Variants in TMOD1 observed in about 807,000 individuals in gnomAD.
TMOD1 encodes tropomodulin 1, also known as tropomodulin-1.
TMOD1 carries 17 observed loss-of-function variants against 40.6 expected under a neutral mutation model. The ratio of observed to expected loss-of-function variants is 0.42; its 90% CI spans 0.29 to 0.63. The LOEUF is 0.63. TMOD1 is among the 20% of genes least tolerant of loss of function. The pLI, the probability that TMOD1 is intolerant of heterozygous loss-of-function variation, is 0.22. For synonymous variants in TMOD1, 181 were observed against 175.0 expected (o/e 1.03, Z -0.27); for missense variants, 391 against 447.6 (o/e 0.87, Z 1.14).
At chr9:97,518,412 T>C (rs1829859097) in intron 1 of TMOD1, among the ~76,000 whole-genome samples, 1 of 152,368 alleles carries the variant, frequency 6.6e-6, no homozygotes, top group Admixed American at 6.5e-5. Context: ...CCTCCAGAAC[T>C]GAGAGCCAAC....
At chr9:97,567,518 C>A (rs1263528370) in intron 7 of TMOD1, among the ~76,000 whole-genome samples, 4 of 152,222 alleles carry the variant, frequency 2.6e-5, no homozygotes, top group Non-Finnish European at 5.9e-5. Flanking sequence ...CAAGACAGGG[C>A]CTCCAGGACC....
chr9:97,508,194 T>C (rs1829625351), intron 1 of TMOD1, among the ~76,000 whole-genome samples: 1 of 151,670 alleles, frequency 6.6e-6, no homozygotes. Flanking sequence ...ATTTCTTTCT[T>C]TCTTTTTTTT....
chr9:97,519,376 G>A (rs1302814245), intron 1 of TMOD1, among the ~76,000 whole-genome samples: 1 of 152,112 alleles, frequency 6.6e-6, no homozygotes, highest in East Asian at 1.9e-4. Context: ...CGGGGTGGCC[G>A]GATATGCTGT....
At chr9:97,527,760 T>G (rs2131225723) in intron 2 of TMOD1, among the ~76,000 whole-genome samples, 1 of 152,244 alleles carries the variant, frequency 6.6e-6, no homozygotes, top group South Asian at 2.1e-4. Flanking sequence ...TGGGGACACA[T>G]GGACTGGAGG....
intron 3 of TMOD1, among the ~76,000 whole-genome samples, chr9:97,548,749 A>C (rs1830405278): frequency 6.6e-6 from 1 of 152,236 alleles, no homozygotes; most frequent in African/African-American, 2.4e-5. Flanking sequence ...AATAGTTAGC[A>C]TTCATTCTAC....
chr9:97,568,522 G>A (rs1412710164), intron 7 of TMOD1, among the ~76,000 whole-genome samples: 1 of 152,174 alleles, frequency 6.6e-6, no homozygotes, highest in Non-Finnish European at 1.5e-5. Context: ...GGACAGGGAA[G>A]CAGAAAGGGA....
intron 8 of TMOD1, among the ~76,000 whole-genome samples, chr9:97,573,132 C>A (rs1256394253): frequency 1.3e-5 from 2 of 152,208 alleles, no homozygotes; most frequent in African/African-American, 4.8e-5. Flanking sequence ...CCCTGTGGGC[C>A]CCGAGGGAGC....
rs1829740386 is a variant in TMOD1, at chr9:97,513,426, C to A, written c.-48-10715C>A. On this transcript the variant is annotated intron_variant, in intron 1 of 9. Coordinates refer to ENST00000259365, the MANE Select transcript of TMOD1 (RefSeq NM_003275.4). This position sits in a 1 kb window ranked among gnomAD's most constrained non-coding sequence, Gnocchi z 4.1. ...GGATTTCAGCCCAGGTTTGCATGACCCCTAGTTCAAGCTCTCATCTTTAAC... is the reference window on the plus strand; with the variant it reads ...GGATTTCAGCCCAGGTTTGCATGACACCTAGTTCAAGCTCTCATCTTTAAC... 6.6e-6 allele frequency among the ~76,000 whole-genome samples: 1 copy of A among 152,074 alleles called. No homozygotes were observed. Among genetic ancestry groups the A allele is most frequent in the African/African-American group, 2.4e-5 (1 of 41,392 alleles).
At chr9:97,549,435 G>GT (rs1185460579) in intron 3 of TMOD1, among the ~76,000 whole-genome samples, 1 of 152,142 alleles carries the variant, frequency 6.6e-6, no homozygotes, top group Non-Finnish European at 1.5e-5. Flanking sequence ...CTGTTATGGG[G>GT]TATAATAAAC....
chr9:97,529,341 C>G (rs1244939518), intron 2 of TMOD1, among the ~76,000 whole-genome samples: 1 of 152,088 alleles, frequency 6.6e-6, no homozygotes, highest in Non-Finnish European at 1.5e-5. Context: ...CTTGGAAGCC[C>G]CCTCTAGCTC....
intron 2 of TMOD1, among the ~76,000 whole-genome samples, chr9:97,534,838 G>C (rs1285310749): frequency 6.6e-6 from 1 of 152,220 alleles, no homozygotes. Flanking sequence ...GATTCACCAG[G>C]TCAGTTTGGA....
At chr9:97,551,728 T>G (rs973934134) in intron 3 of TMOD1, among the ~76,000 whole-genome samples, 1 of 152,244 alleles carries the variant, frequency 6.6e-6, no homozygotes, top group African/African-American at 2.4e-5. Flanking sequence ...GGAAAAGGAC[T>G]GTTGGAACTT....
At chr9:97,578,559 G>C (rs970601308) in intron 8 of TMOD1, among the ~76,000 whole-genome samples, 2 of 152,168 alleles carry the variant, frequency 1.3e-5, no homozygotes, top group South Asian at 4.1e-4. Context: ...ACTGGGCCTA[G>C]AGGAACCTGG....
chr9:97,530,637 G>A lies in TMOD1; in HGVS notation c.120+6329G>A, dbSNP rs180685265. On this transcript the variant is annotated intron_variant, in intron 2 of 9. Coordinates refer to ENST00000259365, the MANE Select transcript of TMOD1 (RefSeq NM_003275.4). ...CGAGTAGCTGGGACTACAGGCGCCCGCCACCATGCCTGGCTAATTGTTTTT... is the reference window on the plus strand; with the variant it reads ...CGAGTAGCTGGGACTACAGGCGCCCACCACCATGCCTGGCTAATTGTTTTT... Among the ~76,000 whole-genome samples, 173 of 150,254 alleles carry A rather than the reference G, an allele frequency of 1.2e-3. 1 individual carries two copies. The East Asian group carries it at 0.022, about 19-fold the overall frequency.
intron 1 of TMOD1, among the ~76,000 whole-genome samples, chr9:97,522,758 TCA>T: frequency 6.6e-6 from 1 of 152,024 alleles, no homozygotes; most frequent in East Asian, 1.9e-4. Flanking sequence ...AGGCAGGATC[TCA>T]CTGTGTTGCC....
At chr9:97,586,738 G>A (rs1223204329) in intron 8 of TMOD1, among the ~76,000 whole-genome samples, 4 of 152,052 alleles carry the variant, frequency 2.6e-5, no homozygotes, top group East Asian at 1.9e-4. Context: ...TCGGAAAAGC[G>A]CAGTATTCGG....
Position 97,504,531 on chromosome 9 carries a change from A to G in TMOD1, c.-49+2728A>G, listed in dbSNP as rs373938968. ...GGGGAATCTAAAAGGTGTGCCCATA[A>G]TGAGGATTGGGGACCTTCCTTAGTG... On this transcript the variant is annotated intron_variant, in intron 1 of 9. Coordinates refer to ENST00000259365, the MANE Select transcript of TMOD1 (RefSeq NM_003275.4). Among the ~76,000 whole-genome samples the G allele has an allele frequency of 1.6e-4, 25 of 152,158 alleles. No homozygotes were observed. The East Asian group carries it at 2.7e-3, about 16-fold the overall frequency.
chr9:97,600,350 CAA>C lies in TMOD1; in HGVS notation c.*656_*657del. 1.0e-6 allele frequency: 1 copy of C among 986,114 alleles called. No homozygotes were observed. Among genetic ancestry groups the C allele is most frequent in the Non-Finnish European group, 1.2e-6 (1 of 830,210 alleles). 61.1% of individuals were successfully genotyped at this position (986,114 alleles called of 1,614,324 possible). Reference sequence around the variant, plus strand: ...AAACCAATGGTGAAATTTCAAGTTTCAAAAACCAACCTTTCATTACCAATCCC... The same window carrying C: ...AAACCAATGGTGAAATTTCAAGTTTCAAACCAACCTTTCATTACCAATCCC... On this transcript the variant is annotated 3_prime_UTR_variant, in exon 10 of 10. Coordinates refer to ENST00000259365, the MANE Select transcript of TMOD1 (RefSeq NM_003275.4).
chr9:97,528,822 G>C (rs1260634846), intron 2 of TMOD1, among the ~76,000 whole-genome samples: 1 of 152,242 alleles, frequency 6.6e-6, no homozygotes, highest in Non-Finnish European at 1.5e-5. Context: ...TGGTGCCTTG[G>C]CACCTAGGCC....
Sources: allele counts gnomAD v4.1 joint callset (sites outside exome capture counted in the v4.1 genomes callset), GRCh38; gene constraint gnomAD v4.1.1; non-coding constraint Gnocchi (gnomAD v3.1); transcripts MANE v1.5; gene names NCBI Gene and HGNC (gene_info 2026-07-23, HGNC 2026-07-21).